Variants in SNTB2 observed in about 807,000 individuals in gnomAD.
SNTB2 encodes beta-2-syntrophin.
A neutral mutation model predicts 46.2 loss-of-function variants in SNTB2; 34 were observed. The ratio of observed to expected loss-of-function variants is 0.74; its 90% CI spans 0.56 to 0.98. SNTB2 has a LOEUF of 0.98. SNTB2 is among the 50% of genes least tolerant of loss of function. The pLI, the probability that SNTB2 is intolerant of heterozygous loss-of-function variation, is 0.00. For missense variants in SNTB2, 603 were observed against 731.4 expected (o/e 0.82, Z 2.02); for synonymous variants, 290 against 312.6 (o/e 0.93, Z 0.76).
intron 2 of SNTB2, among the ~76,000 whole-genome samples, chr16:69,256,137 G>C (rs925913619): frequency 6.6e-6 from 1 of 152,044 alleles, no homozygotes; most frequent in African/African-American, 2.4e-5. Flanking sequence ...AGTGAGCCAA[G>C]ATCGGGCCAC....
Position 69,272,099 on chromosome 16 carries a change from CAA to C in SNTB2, c.1148+1815_1148+1816del, listed in dbSNP as rs1156462167. On this transcript the variant is annotated intron_variant, in intron 4 of 6. Coordinates refer to ENST00000336278, the MANE Select transcript of SNTB2 (RefSeq NM_006750.4). ...GATATGATACCAAAAGCACAGTTAACAAGAGAAAAAATAGATAAATTGGACTT... is the reference window on the plus strand; with the variant it reads ...GATATGATACCAAAAGCACAGTTAACGAGAAAAAATAGATAAATTGGACTT... 2.0e-5 allele frequency among the ~76,000 whole-genome samples: 3 copies of C among 152,150 alleles called. No individual in the cohort carries two copies. In the East Asian group the frequency reaches 5.8e-4, roughly 29 times the overall value.
intron 2 of SNTB2, among the ~76,000 whole-genome samples, chr16:69,258,266 T>G (rs1327536103): frequency 6.6e-6 from 1 of 152,182 alleles, no homozygotes; most frequent in African/African-American, 2.4e-5. Context: ...TTAAAAGATA[T>G]ATATGTTCAC....
At position 69,188,594 on chromosome 16, in the gene SNTB2, C is replaced by T. The variant is rs533716307; in HGVS notation, c.580+848C>T. Reference sequence around the variant, plus strand: ...AAATAAAATTCCTCTCCTCTAAGGACTCATGCATGTTGGAGGTGATAGAGT... The same window carrying T: ...AAATAAAATTCCTCTCCTCTAAGGATTCATGCATGTTGGAGGTGATAGAGT... On this transcript the variant is annotated intron_variant, in intron 1 of 6. Coordinates refer to ENST00000336278, the MANE Select transcript of SNTB2 (RefSeq NM_006750.4). Among the ~76,000 whole-genome samples the T allele has an allele frequency of 2.6e-5, 4 of 152,326 alleles. No individual in the cohort carries two copies. In the South Asian group the frequency reaches 8.3e-4, roughly 32 times the overall value.
rs1965324693 is a variant in SNTB2 at position 69,307,452 on chromosome 16, CACA to C, written c.*6536_*6538del. The C allele has an allele frequency of 2.0e-5, 3 of 152,134 alleles. No homozygotes were observed. Among genetic ancestry groups the C allele is most frequent in the Middle Eastern group, 3.4e-3 (1 of 294 alleles). 9.4% of individuals were successfully genotyped at this position (152,134 alleles called of 1,614,324 possible). On this transcript the variant is annotated 3_prime_UTR_variant, in exon 7 of 7. Coordinates refer to ENST00000336278, the MANE Select transcript of SNTB2 (RefSeq NM_006750.4). ...ATACAGTATCCTTTGTAAGATAAAT[CACA>C]ACAACAAAAATTAAGTTTTATTGCA...
intron 4 of SNTB2, among the ~76,000 whole-genome samples, chr16:69,281,555 G>C (rs1414413798): frequency 6.9e-6 from 1 of 145,570 alleles, no homozygotes; most frequent in Non-Finnish European, 1.5e-5. Context: ...TTGTTGAAAA[G>C]ACAGACGATT....
intron 1 of SNTB2, among the ~76,000 whole-genome samples, chr16:69,217,908 T>G (rs1044279665): frequency 1.3e-5 from 2 of 152,208 alleles, no homozygotes; most frequent in African/African-American, 4.8e-5. Flanking sequence ...ATGAACATGT[T>G]GGACTGAATT....
intron 5 of SNTB2, among the ~76,000 whole-genome samples, chr16:69,285,453 CTATTTATTTATTTATT>C (rs56095766): frequency 1.6e-4 from 21 of 130,608 alleles, no homozygotes; most frequent in South Asian, 1.0e-3. Flanking sequence ...CTTTGAGCTT[CTATTTATTTATTTATT>C]TATTTATTTA....
intron 1 of SNTB2, among the ~76,000 whole-genome samples, chr16:69,225,414 G>A (rs1190721187): frequency 1.3e-5 from 2 of 152,190 alleles, no homozygotes; most frequent in Non-Finnish European, 1.5e-5. Context: ...ATTTCCTTGC[G>A]CTTGAATTGC....
At chr16:69,224,210 A>ATTTTTTT (rs34419738) in intron 1 of SNTB2, among the ~76,000 whole-genome samples, 1 of 127,776 alleles carries the variant, frequency 7.8e-6, no homozygotes, top group Non-Finnish European at 1.6e-5. Flanking sequence ...TTCCTTTGCA[A>ATTTTTTT]TTTTTTTTTT....
At chr16:69,299,014 G>C (rs941924132) in intron 5 of SNTB2, among the ~76,000 whole-genome samples, 39 of 152,260 alleles carry the variant, frequency 2.6e-4, no homozygotes, top group African/African-American at 9.4e-4. Context: ...TACTTCTCTA[G>C]TGCCTTGCAC....
chr16:69,305,910 C>T lies in SNTB2; in HGVS notation c.*4986C>T, dbSNP rs907030209. ...TAAAAACCAATTGTAGCAATCTGCC[C>T]GCCTCCACCCTTTAAGCTAAATCTT... On this transcript the variant is annotated 3_prime_UTR_variant, in exon 7 of 7. Transcript: ENST00000336278. 9 of 151,990 alleles carry T rather than the reference C, an allele frequency of 5.9e-5. No homozygotes were observed. Among genetic ancestry groups the T allele is most frequent in the African/African-American group, 1.2e-4 (5 of 41,368 alleles). 9.4% of individuals were successfully genotyped at this position (151,990 alleles called of 1,614,324 possible).
intron 4 of SNTB2, among the ~76,000 whole-genome samples, chr16:69,272,748 C>T (rs1597195129): frequency 6.6e-6 from 1 of 151,624 alleles, no homozygotes; most frequent in Middle Eastern, 3.4e-3. Flanking sequence ...AAAAATTAGC[C>T]AGGCATGGTG....
chr16:69,194,604 A>C (rs1210458844), intron 1 of SNTB2, among the ~76,000 whole-genome samples: 1 of 152,190 alleles, frequency 6.6e-6, no homozygotes, highest in Non-Finnish European at 1.5e-5. Flanking sequence ...TGTCTTTGTA[A>C]TATCTCTTTC....
In SNTB2 at chr16:69,304,955, A is replaced by C. The variant is rs1459747412; in HGVS notation, c.*4031A>C. ...AGTGCTGGGATTACAGATGTGAGCC[A>C]CTGCACCTGGCCCCAGAAATTATGC... On this transcript the variant is annotated 3_prime_UTR_variant, in exon 7 of 7. Transcript: ENST00000336278. 4 of 151,418 alleles carry C rather than the reference A, an allele frequency of 2.6e-5. No homozygotes were observed. 9.4% of individuals were successfully genotyped at this position (151,418 alleles called of 1,614,324 possible).
At chr16:69,242,421 T>C (rs993923285) in intron 1 of SNTB2, among the ~76,000 whole-genome samples, 6 of 152,110 alleles carry the variant, frequency 3.9e-5, no homozygotes, top group African/African-American at 1.2e-4. Context: ...AGACCCTGTC[T>C]CAAAAATAAA....
At chr16:69,235,406 G>A (rs1191238994) in intron 1 of SNTB2, among the ~76,000 whole-genome samples, 3 of 152,094 alleles carry the variant, frequency 2.0e-5, no homozygotes, top group African/African-American at 7.2e-5. Flanking sequence ...CCATATTATT[G>A]AAACAATATT....
At chr16:69,250,630 C>T (rs1434116330) in intron 2 of SNTB2, among the ~76,000 whole-genome samples, 1 of 152,150 alleles carries the variant, frequency 6.6e-6, no homozygotes, top group African/African-American at 2.4e-5. Context: ...GGGCTGGGGG[C>T]TCATGCCTGT....
intron 4 of SNTB2, among the ~76,000 whole-genome samples, chr16:69,274,516 G>A (rs1056624682): frequency 1.3e-5 from 2 of 151,978 alleles, no homozygotes; most frequent in Non-Finnish European, 2.9e-5. Flanking sequence ...AGCCGGGTGT[G>A]GTGGCGGGCG....
chr16:69,195,824 A>G (rs1171838130), intron 1 of SNTB2, among the ~76,000 whole-genome samples: 1 of 152,150 alleles, frequency 6.6e-6, no homozygotes, highest in Non-Finnish European at 1.5e-5. Context: ...GGAGACTGCA[A>G]TCTAGACCTG....
Sources: gnomAD v4.1 joint callset for allele counts (sites outside exome capture counted in the v4.1 genomes callset) on GRCh38, gnomAD v4.1.1 for gene constraint, MANE v1.5 for transcripts, NCBI Gene and HGNC (gene_info 2026-07-23, HGNC 2026-07-21) for gene names.